The following COG6 variants were observed in gnomAD, a reference collection of about 807,000 sequenced individuals.
The protein encoded by COG6 is component of oligomeric golgi complex 6, also known as conserved oligomeric Golgi complex subunit 6.
In COG6, 74 loss-of-function variants were observed where a neutral mutation model predicts 88.8. That is an observed-to-expected ratio of 0.83 (90% CI 0.69 to 1.01). The LOEUF (loss-of-function observed/expected upper bound fraction) is 1.01. Among genes scored for constraint, COG6 ranks in the 50% least tolerant of loss-of-function variants. COG6 has a pLI of 0.00. For missense variants in COG6, 800 were observed against 797.9 expected (o/e 1.00, Z -0.03); for synonymous variants, 286 against 278.7 (o/e 1.03, Z -0.26).
intron 5 of COG6, 83 bp downstream of exon 5, chr13:39,677,662 TC>T: frequency 1.4e-6 from 1 of 728,380 alleles, no homozygotes; most frequent in Non-Finnish European, 2.3e-6. Context: ...AGCTTTATTT[TC>T]CCATTAAAAA....
chr13:39,695,302 A>G (rs1003447401), intron 12 of COG6, among the ~76,000 whole-genome samples: 1 of 151,822 alleles, frequency 6.6e-6, no homozygotes, highest in Admixed American at 6.6e-5. Flanking sequence ...CACTTGTCTT[A>G]TATAAAATGT....
At chr13:39,789,052 A>G (rs957624830) in exon 19 of COG6, 1 of 152,228 alleles carries the variant, frequency 6.6e-6, no homozygotes, top group African/African-American at 2.4e-5. Flanking sequence ...TTAGCCATCA[A>G]GTTCTCTTCC....
chr13:39,772,632 G>A (rs549402977), intron 18 of COG6, among the ~76,000 whole-genome samples: 8 of 152,212 alleles, frequency 5.3e-5, no homozygotes, highest in Non-Finnish European at 8.8e-5. Flanking sequence ...GTCACATCAC[G>A]TATCATCTGT....
intron 11 of COG6, among the ~76,000 whole-genome samples, chr13:39,692,951 C>T (rs1349682676): frequency 1.3e-5 from 2 of 152,018 alleles, no homozygotes; most frequent in Non-Finnish European, 2.9e-5. Context: ...AATTTCCAGT[C>T]AGTTGCTGCT....
intron 18 of COG6, among the ~76,000 whole-genome samples, chr13:39,732,729 GAA>G (rs1245991916): frequency 1.3e-5 from 2 of 152,132 alleles, no homozygotes; most frequent in Non-Finnish European, 2.9e-5. Context: ...TAAAAGGCTG[GAA>G]AATAGATGGA....
chr13:39,713,220 T>C lies in COG6; in HGVS notation c.1285-6016T>C, dbSNP rs553952569. Among the ~76,000 whole-genome samples, 103 of 152,348 alleles carry C rather than the reference T, an allele frequency of 6.8e-4. 1 individual carries two copies. The highest frequency in any genetic ancestry group is 2.5e-3 in the African/African-American group (102 of 41,590). ...CTTAAAGCTTATAGGAATTTCTGTATTATGATTATTGTTTTACATGAAGTT... is the reference window on the plus strand; with the variant it reads ...CTTAAAGCTTATAGGAATTTCTGTACTATGATTATTGTTTTACATGAAGTT... On this transcript the variant is annotated intron_variant, in intron 13 of 18. Transcript: ENST00000455146.
chr13:39,779,351 C>T (rs116182021), intron 18 of COG6, among the ~76,000 whole-genome samples: 4 of 152,330 alleles, frequency 2.6e-5, no homozygotes, highest in African/African-American at 7.2e-5. Context: ...GCATCAGTCA[C>T]GTGTGTCTCT....
chr13:39,681,039 T>C (rs1425325990), intron 7 of COG6, among the ~76,000 whole-genome samples: 4 of 152,246 alleles, frequency 2.6e-5, no homozygotes, highest in African/African-American at 9.6e-5. Context: ...AATGCTTTAT[T>C]TGCTTTAGTT....
At chr13:39,771,248 A>G (rs907006536) in intron 18 of COG6, among the ~76,000 whole-genome samples, 5 of 152,162 alleles carry the variant, frequency 3.3e-5, no homozygotes, top group African/African-American at 1.2e-4. Context: ...AGATCCAACC[A>G]TCTTTCTGGC....
At chr13:39,664,613 C>A (rs952593245) in intron 3 of COG6, among the ~76,000 whole-genome samples, 1 of 152,324 alleles carries the variant, frequency 6.6e-6, no homozygotes, top group East Asian at 1.9e-4. Context: ...CTCTGATCCT[C>A]ACCAAAAACT....
chr13:39,762,860 A>G (rs1881063523), intron 18 of COG6, among the ~76,000 whole-genome samples: 1 of 151,318 alleles, frequency 6.6e-6, no homozygotes, highest in South Asian at 2.1e-4. Context: ...ACTAATAGCA[A>G]TGATAATGGT....
chr13:39,698,343 A>C (rs1189424797), intron 12 of COG6, among the ~76,000 whole-genome samples: 2 of 151,972 alleles, frequency 1.3e-5, no homozygotes, highest in African/African-American at 4.8e-5. Context: ...TGGGAATTCT[A>C]TCCAGTTTAT....
chr13:39,774,815 T>C (rs1881417623), intron 18 of COG6, among the ~76,000 whole-genome samples: 1 of 152,154 alleles, frequency 6.6e-6, no homozygotes, highest in Admixed American at 6.5e-5. Context: ...CCTCATGATC[T>C]GCCCACCTCA....
At position 39,694,673 on chromosome 13, in the gene COG6, G is replaced by A. The variant is rs748879197; in HGVS notation, c.1114G>A (p.Val372Ile). 1 of 1,602,022 alleles carries A rather than the reference G, an allele frequency of 6.2e-7. No individual in the cohort carries two copies. The highest frequency in any genetic ancestry group is 8.5e-7 in the Non-Finnish European group (1 of 1,171,258). ...EQVIVAEPGA[V>I]LLYKISNLLK... ...AGTAATAGTTGCTGAACCTGGGGCAGTTTTATTATATAAAATTTCTAATCT... is the reference window on the plus strand; with the variant it reads ...AGTAATAGTTGCTGAACCTGGGGCAATTTTATTATATAAAATTTCTAATCT... The change falls in exon 12 of 19, where the codon GTT becomes ATT. Residue 372 changes from valine to isoleucine, a missense_variant. By Grantham distance (29) the Val-to-Ile change is conservative. Coordinates refer to ENST00000455146, the MANE Select transcript of COG6 (RefSeq NM_020751.3).
At chr13:39,775,161 C>G (rs1881427730) in intron 18 of COG6, among the ~76,000 whole-genome samples, 1 of 152,040 alleles carries the variant, frequency 6.6e-6, no homozygotes, top group Non-Finnish European at 1.5e-5. Context: ...CCTGGAGGTT[C>G]CATTTCGTTT....
intron 11 of COG6, among the ~76,000 whole-genome samples, chr13:39,690,703 A>G (rs1194302604): frequency 1.3e-5 from 2 of 151,948 alleles, no homozygotes; most frequent in Non-Finnish European, 2.9e-5. Context: ...AGGCAAGGAA[A>G]TCTCAGATGA....
At chr13:39,720,023 A>ACG (rs909255135) in intron 15 of COG6, among the ~76,000 whole-genome samples, 196 bp downstream of exon 15, 1 of 151,044 alleles carries the variant, frequency 6.6e-6, no homozygotes, top group Non-Finnish European at 1.5e-5. Flanking sequence ...ACACACACAC[A>ACG]CACAAATTCA....
intron 3 of COG6, 66 bp downstream of exon 3, chr13:39,660,947 A>G: frequency 1.1e-6 from 1 of 919,776 alleles, no homozygotes; most frequent in South Asian, 1.3e-5. Flanking sequence ...ATTATTGACA[A>G]AATGTGTAGA....
chr13:39,742,912 C>T (rs2138128484), intron 18 of COG6, among the ~76,000 whole-genome samples: 1 of 152,316 alleles, frequency 6.6e-6, no homozygotes, highest in East Asian at 1.9e-4. Context: ...GTCTCTCAGA[C>T]CACAGTGCAA....
Sources: allele counts gnomAD v4.1 joint callset (sites outside exome capture counted in the v4.1 genomes callset), GRCh38; gene constraint gnomAD v4.1.1; transcripts MANE v1.5; gene names NCBI Gene and HGNC (gene_info 2026-07-23, HGNC 2026-07-21).